Variants in CFHR5 observed in about 807,000 individuals in gnomAD.
The protein encoded by CFHR5 is complement factor H-related protein 5.
Under a neutral mutation model 62.9 loss-of-function variants are expected in CFHR5, and 73 were observed. That is an observed-to-expected ratio of 1.16 (90% CI 0.96 to 1.41). The LOEUF is 1.41. CFHR5 is among the 40% of genes most tolerant of loss of function. CFHR5 has a pLI of 0.00. For synonymous variants in CFHR5, 249 were observed against 227.2 expected (o/e 1.10, Z -0.86); for missense variants, 779 against 679.9 (o/e 1.15, Z -1.62).
At chr1:196,992,996 C>T (rs1653885142) in intron 3 of CFHR5, among the ~76,000 whole-genome samples, 1 of 151,922 alleles carries the variant, frequency 6.6e-6, no homozygotes, top group Non-Finnish European at 1.5e-5. Flanking sequence ...ATTTATTTTA[C>T]ACAAGAATTA....
At chr1:196,995,991 A>C (rs758577067) in intron 5 of CFHR5, 31 bp from the exon 6 acceptor site, 1 of 1,608,200 alleles carries the variant, frequency 6.2e-7, no homozygotes, top group Non-Finnish European at 8.5e-7. Flanking sequence ...ATATTTTCAG[A>C]GTAAGCACTC....
At chr1:196,984,737 C>T (rs1653636029) in intron 3 of CFHR5, among the ~76,000 whole-genome samples, 2 of 152,108 alleles carry the variant, frequency 1.3e-5, no homozygotes, top group Admixed American at 1.3e-4. Context: ...CGATTCCATC[C>T]TATGCTTACA....
rs772906571 is a variant in CFHR5, at chr1:196,994,271, TA to T, written c.607+16del. The T allele has an allele frequency of 1.9e-6, 3 of 1,598,340 alleles. No homozygotes were observed. The highest frequency in any genetic ancestry group is 2.6e-6 in the Non-Finnish European group (3 of 1,166,140). On this transcript the variant is annotated intron_variant, in intron 4 of 9. Coordinates refer to ENST00000256785, the MANE Select transcript of CFHR5 (RefSeq NM_030787.4). ...AACATGCAAAGGTCAGTATTTATTTTAGAAGTGATGAAACAAGAATTTGATT... is the reference window on the plus strand; with the variant it reads ...AACATGCAAAGGTCAGTATTTATTTTGAAGTGATGAAACAAGAATTTGATT...
chr1:196,993,667 T>A (rs886829299), intron 3 of CFHR5, among the ~76,000 whole-genome samples: 1 of 152,166 alleles, frequency 6.6e-6, no homozygotes, highest in Non-Finnish European at 1.5e-5. Flanking sequence ...CAATTTTATT[T>A]TGTTACTTGA....
chr1:196,988,320 A>AGG (rs1653750613), intron 3 of CFHR5, among the ~76,000 whole-genome samples: 1 of 152,028 alleles, frequency 6.6e-6, no homozygotes, highest in Non-Finnish European at 1.5e-5. Flanking sequence ...TGCAAACAGC[A>AGG]ACAATTTGAC....
Position 197,004,980 on chromosome 1 carries a change from G to A in CFHR5, c.1513+137G>A, listed in dbSNP as rs142743076. The A allele has an allele frequency of 7.6e-4, 546 of 715,284 alleles. 2 individuals carry two copies. The highest frequency in any genetic ancestry group is 1.1e-3 in the Non-Finnish European group (494 of 433,438). The allele number at this position is 715,284 out of a possible 1,614,324, so 44.3% of individuals were successfully genotyped here. A position where few individuals can be genotyped will look rare whatever the true frequency, so the allele number is the denominator to read the frequency against. On this transcript the variant is annotated intron_variant, in intron 9 of 9. Transcript: ENST00000256785. Reference sequence around the variant, plus strand: ...CCTGTCAAATGTAAATACATACAAGGAAACATTTGAAAAATTTGCTTTATG... The same window carrying A: ...CCTGTCAAATGTAAATACATACAAGAAAACATTTGAAAAATTTGCTTTATG...
At chr1:197,002,387 G>A (rs1654175272) in intron 7 of CFHR5, 95 bp from the exon 8 acceptor site, 1 of 804,810 alleles carries the variant, frequency 1.2e-6, no homozygotes, top group East Asian at 2.7e-5. Flanking sequence ...GTGTGTGTGT[G>A]TCATTGAATC....
At position 196,996,100 on chromosome 1, in the gene CFHR5, G is replaced by A; in HGVS notation, c.869G>A (p.Gly290Glu). The A allele has an allele frequency of 6.2e-7, 1 of 1,613,630 alleles. No homozygotes were observed. The highest frequency in any genetic ancestry group is 8.5e-7 in the Non-Finnish European group (1 of 1,179,634). ...VQPSVPPYQHGVSVEVNCRNE... is the reference protein window; with the variant it reads ...VQPSVPPYQHEVSVEVNCRNE... Reference sequence around the variant, plus strand: ...CCGTCTGTCCCTCCCTATCAACATGGAGTTTCAGTCGAGGTGAATTGCAGA... The same window carrying A: ...CCGTCTGTCCCTCCCTATCAACATGAAGTTTCAGTCGAGGTGAATTGCAGA... Residue 290 changes from glycine to glutamate, a missense_variant, in exon 6 of 10, where the codon GGA becomes GAA. Gly to Glu is a moderately conservative substitution (Grantham distance 98). Transcript: ENST00000256785.
chr1:196,982,365 T>A (rs953779147), intron 1 of CFHR5, among the ~76,000 whole-genome samples: 10 of 152,284 alleles, frequency 6.6e-5, no homozygotes, highest in African/African-American at 2.4e-4. Context: ...ATATAAATTT[T>A]ATATTCATTA....
At chr1:197,007,892 A>G (rs1490773687) in intron 9 of CFHR5, among the ~76,000 whole-genome samples, 1 of 147,462 alleles carries the variant, frequency 6.8e-6, no homozygotes, top group Non-Finnish European at 1.5e-5. Context: ...AATTGTATGT[A>G]ACATGTATAC....
At chr1:196,978,825 G>A (rs1001988128) in intron 1 of CFHR5, among the ~76,000 whole-genome samples, 5 of 152,206 alleles carry the variant, frequency 3.3e-5, no homozygotes, top group Admixed American at 2.0e-4. Flanking sequence ...ATTTCTAAAG[G>A]GGGGTGGAAG....
rs1353836063 is a variant in CFHR5, at chr1:197,009,191, T to A, written c.*508T>A. ...CTGAGATAACAATCCAATCCCATGA[T>A]AATGACATTAATCCATTCAAGAAGA... On this transcript the variant is annotated 3_prime_UTR_variant, in exon 10 of 10. Coordinates refer to ENST00000256785, the MANE Select transcript of CFHR5 (RefSeq NM_030787.4). The A allele has an allele frequency of 6.4e-6, 1 of 155,550 alleles. No individual in the cohort carries two copies. Among genetic ancestry groups the A allele is most frequent in the African/African-American group, 2.4e-5 (1 of 41,472 alleles). The allele number at this position is 155,550 out of a possible 1,614,324, so 9.6% of individuals were successfully genotyped here. A position where few individuals can be genotyped will look rare whatever the true frequency, so the allele number is the denominator to read the frequency against.
chr1:196,987,189 A>G (rs573868951), intron 3 of CFHR5, among the ~76,000 whole-genome samples: 31 of 152,260 alleles, frequency 2.0e-4, no homozygotes, highest in African/African-American at 6.7e-4. Flanking sequence ...GTCTGTTCAT[A>G]TCCTTTGCCC....
chr1:197,008,545 A>C lies in CFHR5; in HGVS notation c.1572A>C (p.Arg524Ser). ...AAAATAACATACAGTTAAAATGGAGAAACGATGGAAAACTCTATGCAAAAA... is the reference window on the plus strand; with the variant it reads ...AAAATAACATACAGTTAAAATGGAGCAACGATGGAAAACTCTATGCAAAAA... ...MNKNNIQLKW[R>S]NDGKLYAKTG... The change falls in exon 10 of 10, where the codon AGA (arginine) becomes AGC (serine). Residue 524 changes from arginine to serine, a missense_variant. Arg to Ser is a moderately radical substitution (Grantham distance 110). Coordinates refer to ENST00000256785, the MANE Select transcript of CFHR5 (RefSeq NM_030787.4). 6.2e-7 allele frequency: 1 copy of C among 1,613,526 alleles called. No homozygotes were observed. The highest frequency in any genetic ancestry group is 8.5e-7 in the Non-Finnish European group (1 of 1,179,592).
intron 3 of CFHR5, among the ~76,000 whole-genome samples, chr1:196,985,960 T>G (rs1386758125): frequency 6.6e-6 from 1 of 152,168 alleles, no homozygotes; most frequent in Non-Finnish European, 1.5e-5. Context: ...AAAGCACATA[T>G]CTTATTGTTC....
chr1:196,996,786 G>A (rs992183384), intron 6 of CFHR5, among the ~76,000 whole-genome samples: 2 of 151,974 alleles, frequency 1.3e-5, no homozygotes, highest in African/African-American at 4.8e-5. Flanking sequence ...TGCTCTTTCT[G>A]GTCCCATAAT....
chr1:197,006,890 G>T (rs191538118), intron 9 of CFHR5, among the ~76,000 whole-genome samples: 382 of 151,260 alleles, frequency 2.5e-3, no homozygotes, highest in African/African-American at 9.0e-3. Context: ...AGGCTGGAGC[G>T]CAGTGGCGTG....
chr1:196,998,436 T>C (rs1384740351), intron 7 of CFHR5, 132 bp downstream of exon 7: 3 of 751,288 alleles, frequency 4.0e-6, no homozygotes, highest in East Asian at 5.5e-5. Flanking sequence ...AAGTAGAAAC[T>C]AGTTATAATA....
At chr1:196,983,869 G>T in intron 2 of CFHR5, 92 bp from the exon 3 acceptor site, 2 of 844,770 alleles carry the variant, frequency 2.4e-6, no homozygotes, top group Non-Finnish European at 3.8e-6. Context: ...CATGATGTCA[G>T]TTTTCAAAGT....
Sources: gnomAD v4.1 joint callset for allele counts (sites outside exome capture counted in the v4.1 genomes callset) on GRCh38, gnomAD v4.1.1 for gene constraint, MANE v1.5 for transcripts, NCBI Gene and HGNC (gene_info 2026-07-23, HGNC 2026-07-21) for gene names.